The following NEIL1 variants were observed in gnomAD, a reference collection of about 807,000 sequenced individuals.
NEIL1 encodes nei like DNA glycosylase 1.
In NEIL1, 31 loss-of-function variants were observed where a neutral mutation model predicts 44.2. That is an observed-to-expected ratio of 0.70 (90% CI 0.53 to 0.95). The LOEUF (loss-of-function observed/expected upper bound fraction) is 0.95. NEIL1 is among the 40% of genes least tolerant of loss of function. NEIL1 has a pLI of 0.00. For missense variants in NEIL1, 549 were observed against 515.5 expected, an observed-to-expected ratio of 1.07 and a Z score of -0.63; for synonymous variants, 254 against 209.7, an observed-to-expected ratio of 1.21 and a Z score of -1.83.
intron 5 of NEIL1, 154 bp from the exon 6 acceptor site, chr15:75,353,585 C>T (rs749422151): frequency 1.2e-6 from 1 of 847,558 alleles, no homozygotes; most frequent in South Asian, 1.3e-5. Context: ...GGGAAGAAAC[C>T]AGCTGAGGTC....
At position 75,355,351 on chromosome 15, in the gene NEIL1, C is replaced by T. The variant is rs1388562537; in HGVS notation, c.*317C>T. 2 of 348,438 alleles carry T rather than the reference C, an allele frequency of 5.7e-6. No individual in the cohort carries two copies. Among genetic ancestry groups the T allele is most frequent in the African/African-American group, 4.3e-5 (2 of 46,384 alleles). 21.6% of individuals were successfully genotyped at this position (348,438 alleles called of 1,614,324 possible). ...CTCACAAGGCAAACTGAGCCCCCAT[C>T]CCAGTCCTCAAGGCTCTGACTCTAT... is the stretch of plus-strand genomic sequence containing the variant. On this transcript the variant is annotated 3_prime_UTR_variant, in exon 10 of 10. Coordinates refer to ENST00000355059, the MANE Select transcript of NEIL1 (RefSeq NM_024608.4).
chr15:75,356,469 C>T lies in NEIL1; in HGVS notation c.*1435C>T, dbSNP rs745987051. The T allele has an allele frequency of 2.5e-6, 4 of 1,584,192 alleles. No homozygotes were observed. The East Asian group carries it at 9.0e-5, about 36-fold the overall frequency. ...AAGAGCCTGGGGTACGACCAGGAAACAATGCTGGTGGAGAATGGGGGCTAC... is the reference window on the plus strand; with the variant it reads ...AAGAGCCTGGGGTACGACCAGGAAATAATGCTGGTGGAGAATGGGGGCTAC... On this transcript the variant is annotated 3_prime_UTR_variant, in exon 10 of 10. Coordinates refer to ENST00000355059, the MANE Select transcript of NEIL1 (RefSeq NM_024608.4). This position sits in a 1 kb window ranked among gnomAD's most constrained non-coding sequence, Gnocchi z 5.8.
Position 75,353,855 on chromosome 15 carries a change from A to G in NEIL1, c.835A>G (p.Ile279Val), listed in dbSNP as rs767322058. 6.2e-7 allele frequency: 1 copy of G among 1,612,806 alleles called. No individual in the cohort carries two copies. ...SSLQDRHGRT[I>V]WFQGDPGPLA... ...CCTGCAGGACCGGCATGGCCGTACC[A>G]TCTGGTTCCAGGTTGGGCCCTACTG... Residue 279 changes from isoleucine (I) to valine (V), a missense_variant, in exon 6 of 10, where the codon ATC becomes GTC. By Grantham distance (29) the Ile-to-Val change is conservative. Coordinates refer to ENST00000355059, the MANE Select transcript of NEIL1 (RefSeq NM_024608.4).
chr15:75,348,862 C>G, intron 1 of NEIL1, 22 bp from the exon 2 acceptor site: 1 of 1,594,786 alleles, frequency 6.3e-7, no homozygotes, highest in Non-Finnish European at 8.5e-7. Context: ...CGGGCTCAAC[C>G]CGCTGCCTTC....
chr15:75,348,992 G>A lies in NEIL1; in HGVS notation c.87G>A (p.Lys29=). ...TGGTGTTCGGCGGCTGCGTGGAGAA[G>A]TCCTCTGTCAGCCGCAACCCTGAGG... ...RALVFGGCVE[K]SSVSRNPEVP... Residue 29 remains lysine, a synonymous_variant, in exon 2 of 10, where the codon AAG becomes AAA. Transcript: ENST00000355059. 1 of 1,613,732 alleles carries A rather than the reference G, an allele frequency of 6.2e-7. No homozygotes were observed. Among genetic ancestry groups the A allele is most frequent in the Non-Finnish European group, 8.5e-7 (1 of 1,180,036 alleles).
At position 75,349,055 on chromosome 15, in the gene NEIL1, A is replaced by G. The variant is rs779732144; in HGVS notation, c.150A>G (p.Ser50=). The stretch of plus-strand genomic sequence containing the variant: ...GCAGTGCCTACCGCATCTCAGCTTC[A>G]GCCCGCGGCAAGGAGCTGCGCCTGA... ...FESSAYRISA[S]ARGKELRLIL... Residue 50 remains serine, a synonymous_variant, in exon 2 of 10, where the codon TCA becomes TCG. Coordinates refer to ENST00000355059, the MANE Select transcript of NEIL1 (RefSeq NM_024608.4). 3.1e-6 allele frequency: 5 copies of G among 1,613,582 alleles called. No homozygotes were observed. The South Asian group carries it at 3.3e-5, about 11-fold the overall frequency.
intron 2 of NEIL1, among the ~76,000 whole-genome samples, chr15:75,350,356 A>G (rs962084853): frequency 2.0e-5 from 3 of 152,218 alleles, no homozygotes; most frequent in African/African-American, 4.8e-5. Flanking sequence ...GGAATGAGAA[A>G]TGGACCCATG....
In NEIL1 at chr15:75,356,129, G is replaced by A; in HGVS notation, c.*1095G>A. ...ACTCACAGGATGGCCTCCTGAACCG[G>A]CAGCGACAAGTGCAGCCAGCAGTCC... On this transcript the variant is annotated 3_prime_UTR_variant, in exon 10 of 10. Coordinates refer to ENST00000355059, the MANE Select transcript of NEIL1 (RefSeq NM_024608.4). The surrounding 1 kb of genome is among the most constrained non-coding windows in gnomAD (Gnocchi z 5.8). 1 of 1,613,778 alleles carries A rather than the reference G, an allele frequency of 6.2e-7. No individual in the cohort carries two copies. The highest frequency in any genetic ancestry group is 1.1e-5 in the South Asian group (1 of 91,076).
At position 75,356,364 on chromosome 15, in the gene NEIL1, G is replaced by C; in HGVS notation, c.*1330G>C. The stretch of plus-strand genomic sequence containing the variant: ...CGGAAAACGCACTCCAGGAGGTGGC[G>C]GGCGCTGGGCTGGGGGCTGGCAGAG... On this transcript the variant is annotated 3_prime_UTR_variant, in exon 10 of 10. Transcript: ENST00000355059. This position sits in a 1 kb window ranked among gnomAD's most constrained non-coding sequence, Gnocchi z 5.8. 6.2e-7 allele frequency: 1 copy of C among 1,611,874 alleles called. No individual in the cohort carries two copies. Among genetic ancestry groups the C allele is most frequent in the Non-Finnish European group, 8.5e-7 (1 of 1,179,246 alleles).
chr15:75,353,224 T>TACACACAC (rs10653888), intron 5 of NEIL1: 52,416 of 162,692 alleles, frequency 0.32, 9,016 homozygotes, highest in Admixed American at 0.45. Context: ...TATATATTTA[T>TACACACAC]ACACACACAC....
Position 75,355,375 on chromosome 15 carries a change from A to G in NEIL1, c.*341A>G. The G allele has an allele frequency of 3.5e-6, 1 of 285,254 alleles. No homozygotes were observed. Among genetic ancestry groups the G allele is most frequent in the Non-Finnish European group, 6.7e-6 (1 of 149,372 alleles). The allele number at this position is 285,254 out of a possible 1,614,324, so 17.7% of individuals were successfully genotyped here. A position where few individuals can be genotyped will look rare whatever the true frequency, so the allele number is the denominator to read the frequency against. On this transcript the variant is annotated 3_prime_UTR_variant, in exon 10 of 10. Transcript: ENST00000355059. ...TCCCAGTCCTCAAGGCTCTGACTCT[A>G]TCAGAGGACAGTTTGCCTCTGCAAG... is the stretch of plus-strand genomic sequence containing the variant.
rs540798247 is a variant in NEIL1, at chr15:75,353,601, A to G, written c.719-138A>G. On this transcript the variant is annotated intron_variant, in intron 5 of 9. Transcript: ENST00000355059. The stretch of plus-strand genomic sequence containing the variant: ...GGAAGAAACCAGCTGAGGTCACATC[A>G]CCAGAGGAGGGAGAGTGTGGCCCCT... The G allele has an allele frequency of 6.3e-5, 58 of 927,822 alleles. No individual in the cohort carries two copies. The East Asian group carries it at 1.3e-3, about 21-fold the overall frequency. 57.5% of individuals were successfully genotyped at this position (927,822 alleles called of 1,614,324 possible). A position where few individuals can be genotyped will look rare whatever the true frequency, so the allele number is the denominator to read the frequency against.
Position 75,354,655 on chromosome 15 carries a change from C to T in NEIL1, c.939C>T (p.Asp313=), listed in dbSNP as rs772483538. The T allele has an allele frequency of 7.4e-6, 12 of 1,613,982 alleles. No individual in the cohort carries two copies. In the East Asian group the frequency reaches 8.9e-5, roughly 12 times the overall value. Residue 313 remains aspartate (D), a splice_region_variant and synonymous_variant, in exon 9 of 10, where the codon GAC becomes GAT. Coordinates refer to ENST00000355059, the MANE Select transcript of NEIL1 (RefSeq NM_024608.4). ...GGACCCGTGTCTCCTCCATCCAGGA[C>T]GCTTTGCCTCCAAGCAAGGCCCCTT... ...TQLSPEDRVE[D]ALPPSKAPSR...
rs368271056 is a variant in NEIL1 at position 75,349,218 on chromosome 15, C to T, written c.313C>T (p.Pro105Ser). ...TGCCCACCTGCGCTTTTACACGGCC[C>T]CGCCTGGCCCCCGGCTCGCCCTATG... ...RHAHLRFYTA[P>S]PGPRLALCFV... is the part of the protein sequence containing the mutation. Residue 105 changes from proline to serine, a missense_variant, in exon 2 of 10, where the codon CCG becomes TCG. Pro to Ser is a moderately conservative substitution (Grantham distance 74). Coordinates refer to ENST00000355059, the MANE Select transcript of NEIL1 (RefSeq NM_024608.4). The T allele has an allele frequency of 3.5e-5, 56 of 1,609,438 alleles. No homozygotes were observed. The highest frequency in any genetic ancestry group is 4.2e-5 in the Non-Finnish European group (50 of 1,179,858).
intron 1 of NEIL1, chr15:75,348,376 G>GTCTC: frequency 2.0e-6 from 2 of 989,564 alleles, no homozygotes; most frequent in Admixed American, 5.8e-5. Context: ...GTGGGGGGAG[G>GTCTC]GGGGCGCAGG....
intron 7 of NEIL1, 41 bp from the exon 8 acceptor site, chr15:75,354,390 G>A: frequency 6.2e-7 from 1 of 1,613,698 alleles, no homozygotes; most frequent in Non-Finnish European, 8.5e-7. Flanking sequence ...TCACCCCTGG[G>A]CAGGATAGGA....
Position 75,348,921 on chromosome 15 carries a change from G to A in NEIL1, c.16G>A (p.Glu6Lys). Reference protein sequence around the residue: MPEGPELHLASQFVNE... With the variant: MPEGPKLHLASQFVNE... Reference sequence around the variant, plus strand: ...CTCCCTCAGGATGCCTGAGGGCCCCGAGCTGCACCTGGCCAGCCAGTTTGT... The same window carrying A: ...CTCCCTCAGGATGCCTGAGGGCCCCAAGCTGCACCTGGCCAGCCAGTTTGT... The change falls in exon 2 of 10, where the codon GAG becomes AAG. Residue 6 changes from glutamate to lysine, a missense_variant. Transcript: ENST00000355059. 6.2e-7 allele frequency: 1 copy of A among 1,612,076 alleles called. No homozygotes were observed. Among genetic ancestry groups the A allele is most frequent in the East Asian group, 2.2e-5 (1 of 44,874 alleles).
rs2072003304 is a variant in NEIL1, at chr15:75,352,590, C to T, written c.619-12C>T. 1.9e-6 allele frequency: 3 copies of T among 1,610,082 alleles called. No individual in the cohort carries two copies. The highest frequency in any genetic ancestry group is 2.5e-6 in the Non-Finnish European group (3 of 1,177,776). ...TGCTGACAGACAGGTCCTGCCCCTG[C>T]CCCTTCCTCAGAGCCCGGAGCTGAC... On this transcript the variant is annotated splice_polypyrimidine_tract_variant and intron_variant, in intron 4 of 9. Transcript: ENST00000355059.
Position 75,349,011 on chromosome 15 carries a change from C to T in NEIL1, c.106C>T (p.Pro36Ser), listed in dbSNP as rs766774429. 3.1e-6 allele frequency: 5 copies of T among 1,613,810 alleles called. No homozygotes were observed. In the Admixed American group the frequency reaches 5.0e-5, roughly 16 times the overall value. The change falls in exon 2 of 10, where the codon CCT (proline) becomes TCT (serine). Residue 36 changes from proline to serine, a missense_variant. Pro to Ser is a moderately conservative substitution (Grantham distance 74). Coordinates refer to ENST00000355059, the MANE Select transcript of NEIL1 (RefSeq NM_024608.4). ...GGAGAAGTCCTCTGTCAGCCGCAAC[C>T]CTGAGGTGCCCTTTGAGAGCAGTGC... is the stretch of plus-strand genomic sequence containing the variant. ...CVEKSSVSRNPEVPFESSAYR... is the reference protein window; with the variant it reads ...CVEKSSVSRNSEVPFESSAYR...
Sources: allele counts gnomAD v4.1 joint callset (sites outside exome capture counted in the v4.1 genomes callset), GRCh38; gene constraint gnomAD v4.1.1; non-coding constraint Gnocchi (gnomAD v3.1); transcripts MANE v1.5; gene names NCBI Gene and HGNC (gene_info 2026-07-23, HGNC 2026-07-21).